The following DOCK5 variants were observed in gnomAD, a reference collection of about 807,000 sequenced individuals.
DOCK5 encodes the protein dedicator of cytokinesis protein 5.
Under a neutral mutation model 251.8 loss-of-function variants are expected in DOCK5, and 142 were observed. The observed-to-expected ratio is 0.56, with a 90% CI of 0.49 to 0.65. DOCK5 has a LOEUF of 0.65. Ranked by LOEUF, DOCK5 falls within the 30% of genes least tolerant of loss-of-function variation. The probability of loss-of-function intolerance (pLI) is 0.00; values close to 1 mark genes in which losing one functional copy is unlikely to be tolerated. For synonymous variants in DOCK5, 842 were observed against 835.5 expected (o/e 1.01, Z -0.13); for missense variants, 2,111 against 2,312.3 (o/e 0.91, Z 1.79).
chr8:25,191,263 G>C (rs1035084967), intron 1 of DOCK5, among the ~76,000 whole-genome samples: 1 of 152,108 alleles, frequency 6.6e-6, no homozygotes, highest in African/African-American at 2.4e-5. Flanking sequence ...GAGTTTTCCA[G>C]AGGCTTTGCA....
At chr8:25,253,961 G>A (rs1008687419) in intron 2 of DOCK5, among the ~76,000 whole-genome samples, 4 of 152,188 alleles carry the variant, frequency 2.6e-5, no homozygotes, top group Non-Finnish European at 4.4e-5. Context: ...AACAAAGTTG[G>A]AGGACTGACA....
intron 1 of DOCK5, among the ~76,000 whole-genome samples, chr8:25,212,857 T>C (rs1802137207): frequency 1.4e-5 from 1 of 69,164 alleles, no homozygotes; most frequent in African/African-American, 3.3e-5. Flanking sequence ...AGGAAATAGA[T>C]TAAGGCACGA....
At chr8:25,375,218 A>C (rs1407817648) in intron 37 of DOCK5, 2 of 170,876 alleles carry the variant, frequency 1.2e-5, no homozygotes, top group Admixed American at 1.2e-4. Flanking sequence ...GCTCCTCCCC[A>C]GCCCATCCTA....
intron 6 of DOCK5, 128 bp downstream of exon 6, chr8:25,292,300 T>TTGTC: frequency 8.8e-7 from 1 of 1,130,384 alleles, no homozygotes; most frequent in Non-Finnish European, 1.2e-6. Context: ...TGCTCTCATT[T>TTGTC]TGTCTTTGAA....
chr8:25,287,445 T>G (rs994345054), intron 5 of DOCK5, among the ~76,000 whole-genome samples: 2 of 151,970 alleles, frequency 1.3e-5, no homozygotes, highest in South Asian at 2.1e-4. Flanking sequence ...TTATAAATAT[T>G]TGGACTAAAA....
At chr8:25,355,426 A>G (rs1800549638) in intron 27 of DOCK5, among the ~76,000 whole-genome samples, 1 of 152,212 alleles carries the variant, frequency 6.6e-6, no homozygotes, top group South Asian at 2.1e-4. Flanking sequence ...AGTAAAACTA[A>G]TAAACAATTT....
intron 45 of DOCK5, among the ~76,000 whole-genome samples, chr8:25,399,437 A>G (rs1007052107): frequency 7.9e-5 from 12 of 152,344 alleles, no homozygotes; most frequent in Admixed American, 7.8e-4. Context: ...CCTTCACTTA[A>G]TATAGGAAAA....
intron 6 of DOCK5, among the ~76,000 whole-genome samples, chr8:25,294,436 C>T (rs771285761): frequency 1.5e-4 from 23 of 152,292 alleles, no homozygotes; most frequent in South Asian, 4.1e-4. Context: ...TCTTTGGTAC[C>T]GGGAATGCAT....
rs185954522 is a variant in DOCK5, at chr8:25,333,220, G to A, written c.2091+528G>A. Among the ~76,000 whole-genome samples, 21 of 152,330 alleles carry A rather than the reference G, an allele frequency of 1.4e-4. No homozygotes were observed. The East Asian group carries it at 3.7e-3, about 27-fold the overall frequency. On this transcript the variant is annotated intron_variant, in intron 20 of 51. Coordinates refer to ENST00000276440, the MANE Select transcript of DOCK5 (RefSeq NM_024940.8). ...GGGAAAGCCAGAGGTGAGGGTGGAG[G>A]GGAAGAAGCTGAAAGGCTCAAAGCA...
intron 47 of DOCK5, among the ~76,000 whole-genome samples, chr8:25,402,295 T>G (rs1011793011): frequency 6.6e-6 from 1 of 151,058 alleles, no homozygotes; most frequent in Admixed American, 6.6e-5. Flanking sequence ...ACCCAGCTAA[T>G]TTTTTTTTGT....
At chr8:25,336,671 G>C (rs1014749911) in intron 22 of DOCK5, among the ~76,000 whole-genome samples, 4 of 152,200 alleles carry the variant, frequency 2.6e-5, no homozygotes, top group African/African-American at 9.6e-5. Flanking sequence ...TATTGAGTGT[G>C]CAAATCTAGG....
rs993267829 is a variant in DOCK5, at chr8:25,271,475, C to A, written c.168+2590C>A. Among the ~76,000 whole-genome samples the A allele has an allele frequency of 3.8e-4, 58 of 152,314 alleles. 1 individual carries two copies. The highest frequency in any genetic ancestry group is 1.3e-3 in the African/African-American group (54 of 41,570). On this transcript the variant is annotated intron_variant, in intron 3 of 51. Transcript: ENST00000276440. ...GAGATCAGCTCATTAGAAACGCTCTCCTGTGCTGTGTCCCTCATTTCTCCG... is the reference window on the plus strand; with the variant it reads ...GAGATCAGCTCATTAGAAACGCTCTACTGTGCTGTGTCCCTCATTTCTCCG...
chr8:25,294,465 A>G (rs1042964878), intron 6 of DOCK5, among the ~76,000 whole-genome samples: 1 of 152,134 alleles, frequency 6.6e-6, no homozygotes, highest in African/African-American at 2.4e-5. Context: ...TTCGGATAGC[A>G]GTATCCTATT....
chr8:25,210,072 C>T (rs529896341), intron 1 of DOCK5, among the ~76,000 whole-genome samples: 431 of 20,736 alleles, frequency 0.021, 95 homozygotes, highest in Admixed American at 0.036. Context: ...GTGTGTGTAT[C>T]TGTCTATTTA....
At chr8:25,290,046 C>T (rs182648618) in intron 5 of DOCK5, among the ~76,000 whole-genome samples, 12 of 152,078 alleles carry the variant, frequency 7.9e-5, no homozygotes, top group Non-Finnish European at 1.6e-4. Flanking sequence ...CAGAAATTAT[C>T]TCATGTGTGT....
intron 23 of DOCK5, among the ~76,000 whole-genome samples, 163 bp downstream of exon 23, chr8:25,341,151 A>G (rs1447149290): frequency 6.6e-6 from 1 of 152,164 alleles, no homozygotes; most frequent in Non-Finnish European, 1.5e-5. Flanking sequence ...AAAAAAATCC[A>G]TTTTAACTTC....
At chr8:25,398,986 C>T (rs1014064935) in intron 45 of DOCK5, among the ~76,000 whole-genome samples, 1 of 152,088 alleles carries the variant, frequency 6.6e-6, no homozygotes. Flanking sequence ...TCCTGTAGTT[C>T]CAGGAGCTCT....
chr8:25,392,170 G>T (rs982245688), intron 43 of DOCK5, among the ~76,000 whole-genome samples, 190 bp downstream of exon 43: 1 of 152,132 alleles, frequency 6.6e-6, no homozygotes, highest in Non-Finnish European at 1.5e-5. Context: ...CGGGCGTGGT[G>T]GCACGCACCT....
chr8:25,226,571 TTTA>T (rs1458665229), intron 1 of DOCK5, among the ~76,000 whole-genome samples: 1 of 151,332 alleles, frequency 6.6e-6, no homozygotes, highest in Admixed American at 6.6e-5. Flanking sequence ...GTTTTATTTT[TTTA>T]TTTTTTTAAT....
Sources: allele counts gnomAD v4.1 joint callset (sites outside exome capture counted in the v4.1 genomes callset), GRCh38; gene constraint gnomAD v4.1.1; transcripts MANE v1.5; gene names NCBI Gene and HGNC (gene_info 2026-07-23, HGNC 2026-07-21).